Variants in BASP1 observed in about 807,000 individuals in gnomAD.
The protein encoded by BASP1 is brain acid soluble protein 1.
A neutral mutation model predicts 2.2 loss-of-function variants in BASP1; 1 was observed. The ratio of observed to expected loss-of-function variants is 0.46; its 90% CI spans 0.16 to 2.17. The LOEUF (loss-of-function observed/expected upper bound fraction) is 2.17, where lower values mean the gene tolerates loss of function less well. Among genes scored for constraint, BASP1 ranks in the 30% most tolerant of loss-of-function variants. The pLI, the probability that BASP1 is intolerant of heterozygous loss-of-function variation, is 0.27. For missense variants in BASP1, 352 were observed against 327.2 expected (o/e 1.08, Z -0.58); for synonymous variants, 187 against 154.2 (o/e 1.21, Z -1.58).
Position 17,227,893 on chromosome 5 carries a change from T to C in BASP1, c.-10+10083T>C, listed in dbSNP as rs528308702. On this transcript the variant is annotated intron_variant, in intron 1 of 1. Transcript: ENST00000322611. ...ATCTGTTGTTGAGAACCCAAGCTCA[T>C]ATTTCCCAAGGCTCACCCAACTGGA... is the stretch of plus-strand genomic sequence containing the variant. 1.2e-4 allele frequency among the ~76,000 whole-genome samples: 18 copies of C among 152,322 alleles called. No individual in the cohort carries two copies. In the South Asian group the frequency reaches 3.5e-3, roughly 30 times the overall value.
chr5:17,241,002 A>G (rs985411320), intron 1 of BASP1, among the ~76,000 whole-genome samples: 17 of 152,324 alleles, frequency 1.1e-4, no homozygotes, highest in Middle Eastern at 3.4e-3. Flanking sequence ...TAACATTACA[A>G]AATAACACCT....
At position 17,276,742 on chromosome 5, in the gene BASP1, A is replaced by C. The variant is rs925553857; in HGVS notation, c.*842A>C. On this transcript the variant is annotated 3_prime_UTR_variant, in exon 2 of 2. Coordinates refer to ENST00000322611, the MANE Select transcript of BASP1 (RefSeq NM_006317.5). The stretch of plus-strand genomic sequence containing the variant: ...ATTGGAAAATGGAAAAAAAAAACAA[A>C]AAAAAAACAAAAAAATGTACAATGG... The C allele has an allele frequency of 2.5e-4, 41 of 166,326 alleles. No individual in the cohort carries two copies. Among genetic ancestry groups the C allele is most frequent in the African/African-American group, 9.9e-4 (41 of 41,270 alleles). The allele number at this position is 166,326 out of a possible 1,614,324, so 10.3% of individuals were successfully genotyped here. A position where few individuals can be genotyped will look rare whatever the true frequency, so the allele number is the denominator to read the frequency against.
chr5:17,253,851 T>C (rs1413375871), intron 1 of BASP1, among the ~76,000 whole-genome samples: 1 of 152,170 alleles, frequency 6.6e-6, no homozygotes, highest in Non-Finnish European at 1.5e-5. Context: ...TACTCACCAG[T>C]GATGAGAAGA....
chr5:17,267,957 AGAT>A (rs1281502152), intron 1 of BASP1, among the ~76,000 whole-genome samples: 1 of 151,540 alleles, frequency 6.6e-6, no homozygotes, highest in Non-Finnish European at 1.5e-5. Context: ...TCAGGGTGTA[AGAT>A]GATATATTTT....
At chr5:17,246,357 G>A (rs1171876547) in intron 1 of BASP1, among the ~76,000 whole-genome samples, 1 of 151,958 alleles carries the variant, frequency 6.6e-6, no homozygotes, top group Admixed American at 6.6e-5. Flanking sequence ...GAGTGGTGGT[G>A]CGCACCTGTC....
chr5:17,263,072 C>T lies in BASP1; in HGVS notation c.-9-12136C>T, dbSNP rs541611996. Among the ~76,000 whole-genome samples the T allele has an allele frequency of 1.6e-4, 25 of 152,296 alleles. No homozygotes were observed. In the South Asian group the frequency reaches 3.3e-3, roughly 20 times the overall value. ...CCGTATTAGCCAGGATGGTCTCGATCTCCTGACCTCATGATCCGCCCGCCT... is the reference window on the plus strand; with the variant it reads ...CCGTATTAGCCAGGATGGTCTCGATTTCCTGACCTCATGATCCGCCCGCCT... On this transcript the variant is annotated intron_variant, in intron 1 of 1. Coordinates refer to ENST00000322611, the MANE Select transcript of BASP1 (RefSeq NM_006317.5).
At chr5:17,267,188 A>G (rs1409510869) in intron 1 of BASP1, among the ~76,000 whole-genome samples, 8 of 152,226 alleles carry the variant, frequency 5.3e-5, no homozygotes, top group African/African-American at 1.9e-4. Context: ...ACGCTTGCTC[A>G]AAGAGATTGG....
In BASP1 at chr5:17,236,017, TA is replaced by T. The variant is rs139822068; in HGVS notation, c.-10+18211del. Among the ~76,000 whole-genome samples the T allele has an allele frequency of 2.0e-5, 3 of 152,308 alleles. No homozygotes were observed. Among genetic ancestry groups the T allele is most frequent in the East Asian group, 3.9e-4 (2 of 5,184 alleles). ...CCCAACACCAGTTTGCAAACTTTCT[TA>T]AAACATGAGACTTTTTTTTTTCTTT... On this transcript the variant is annotated intron_variant, in intron 1 of 1. Transcript: ENST00000322611. The surrounding 1 kb of genome is among the most constrained non-coding windows in gnomAD (Gnocchi z 4.0).
chr5:17,220,621 C>T (rs1272633353), intron 1 of BASP1, among the ~76,000 whole-genome samples: 1 of 152,172 alleles, frequency 6.6e-6, no homozygotes, highest in Non-Finnish European at 1.5e-5. Flanking sequence ...TGTTCTTTAA[C>T]TGGTACTCAG....
chr5:17,276,002 TCTC>T lies in BASP1; in HGVS notation c.*105_*107del. Reference sequence around the variant, plus strand: ...CTCTCTATCTCCTCTCTCTCTCTCCTCTCCTATCTCTCCTCTCTCTCTCTCCTA... The same window carrying T: ...CTCTCTATCTCCTCTCTCTCTCTCCTCTATCTCTCCTCTCTCTCTCTCCTA... On this transcript the variant is annotated 3_prime_UTR_variant, in exon 2 of 2. Transcript: ENST00000322611. 1 of 966,258 alleles carries T rather than the reference TCTC, an allele frequency of 1.0e-6. No individual in the cohort carries two copies. Among genetic ancestry groups the T allele is most frequent in the Non-Finnish European group, 1.4e-6 (1 of 692,782 alleles). The allele number at this position is 966,258 out of a possible 1,614,324, so 59.9% of individuals were successfully genotyped here.
chr5:17,223,436 G>T (rs1218543743), intron 1 of BASP1, among the ~76,000 whole-genome samples: 1 of 152,174 alleles, frequency 6.6e-6, no homozygotes, highest in Non-Finnish European at 1.5e-5. Context: ...CTACTCATAT[G>T]TTTGTTTCAA....
chr5:17,267,053 A>G (rs962084316), intron 1 of BASP1, among the ~76,000 whole-genome samples: 1 of 152,170 alleles, frequency 6.6e-6, no homozygotes, highest in African/African-American at 2.4e-5. Flanking sequence ...AGTTTTCGAG[A>G]ATTGTGATTA....
intron 1 of BASP1, among the ~76,000 whole-genome samples, chr5:17,243,157 T>C (rs1739904387): frequency 6.6e-6 from 1 of 151,976 alleles, no homozygotes; most frequent in African/African-American, 2.4e-5. Context: ...TCTTGCTTTT[T>C]TTTTTTTTTA....
chr5:17,219,490 G>A (rs1375958398), intron 1 of BASP1, among the ~76,000 whole-genome samples: 2 of 152,132 alleles, frequency 1.3e-5, no homozygotes, highest in African/African-American at 4.8e-5. Context: ...TTTTGTACCC[G>A]CACACTGTTA....
At chr5:17,256,995 C>T (rs993232791) in intron 1 of BASP1, among the ~76,000 whole-genome samples, 5 of 152,198 alleles carry the variant, frequency 3.3e-5, no homozygotes, top group African/African-American at 1.2e-4. Context: ...AACCTTTCTA[C>T]CTAACCTAAA....
intron 1 of BASP1, among the ~76,000 whole-genome samples, chr5:17,223,050 G>C (rs920399880): frequency 6.6e-6 from 1 of 151,870 alleles, no homozygotes; most frequent in Non-Finnish European, 1.5e-5. Flanking sequence ...CGTTTTGAAG[G>C]AGGCAGGACT....
intron 1 of BASP1, among the ~76,000 whole-genome samples, chr5:17,255,911 A>T (rs1197752279): frequency 2.6e-5 from 4 of 152,190 alleles, no homozygotes; most frequent in African/African-American, 9.7e-5. Context: ...TGCACACCAG[A>T]GTAGGTTTCT....
In BASP1 at chr5:17,251,861, T is replaced by C. The variant is rs1740108115; in HGVS notation, c.-9-23347T>C. Among the ~76,000 whole-genome samples the C allele has an allele frequency of 6.6e-6, 1 of 152,058 alleles. No individual in the cohort carries two copies. Among genetic ancestry groups the C allele is most frequent in the Non-Finnish European group, 1.5e-5 (1 of 68,002 alleles). On this transcript the variant is annotated intron_variant, in intron 1 of 1. Coordinates refer to ENST00000322611, the MANE Select transcript of BASP1 (RefSeq NM_006317.5). This position sits in a 1 kb window ranked among gnomAD's most constrained non-coding sequence, Gnocchi z 4.0. ...AGCTCACTTGGGGAAATGTTGAGTT[T>C]GAAGGACATCCTGTTGGGTCAGTTG... is the stretch of plus-strand genomic sequence containing the variant.
intron 1 of BASP1, among the ~76,000 whole-genome samples, chr5:17,274,246 T>G (rs1260555168): frequency 1.3e-5 from 2 of 152,190 alleles, no homozygotes; most frequent in Non-Finnish European, 2.9e-5. Flanking sequence ...TAGAACTACT[T>G]TTTTTAAGCT....
Sources: allele counts gnomAD v4.1 joint callset (sites outside exome capture counted in the v4.1 genomes callset), GRCh38; gene constraint gnomAD v4.1.1; non-coding constraint Gnocchi (gnomAD v3.1); transcripts MANE v1.5; gene names NCBI Gene and HGNC (gene_info 2026-07-23, HGNC 2026-07-21).